FHIT: variants seen among roughly 807,000 people sequenced by gnomAD.
FHIT encodes the protein fragile histidine triad diadenosine triphosphatase.
In FHIT, 19 loss-of-function variants were observed where a neutral mutation model predicts 17.9. The observed-to-expected ratio is 1.06, with a 90% CI of 0.74 to 1.56. The LOEUF is 1.56. Among genes scored for constraint, FHIT ranks in the 40% most tolerant of loss-of-function variants. The pLI is 0.00. For missense variants in FHIT, 248 were observed against 189.2 expected (o/e 1.31, Z -1.82); for synonymous variants, 81 against 69.7 (o/e 1.16, Z -0.81).
At chr3:60,050,462 A>G (rs567377904) in intron 5 of FHIT, among the ~76,000 whole-genome samples, 3 of 152,284 alleles carry the variant, frequency 2.0e-5, no homozygotes, top group East Asian at 3.9e-4. Flanking sequence ...ATGGTTGCCA[A>G]CATCCTAGGC....
intron 4 of FHIT, among the ~76,000 whole-genome samples, chr3:60,731,501 C>G (rs915743923): frequency 6.6e-6 from 1 of 152,180 alleles, no homozygotes; most frequent in Non-Finnish European, 1.5e-5. Context: ...CCTCCCTTCT[C>G]CCCTGAGTCT....
At chr3:60,293,864 G>A (rs1201456710) in intron 5 of FHIT, among the ~76,000 whole-genome samples, 1 of 152,034 alleles carries the variant, frequency 6.6e-6, no homozygotes, top group East Asian at 1.9e-4. Context: ...TTTTGAGCTA[G>A]GATGCATCAT....
chr3:60,566,269 T>C (rs1309682968), intron 4 of FHIT, among the ~76,000 whole-genome samples: 1 of 152,062 alleles, frequency 6.6e-6, no homozygotes, highest in Non-Finnish European at 1.5e-5. Flanking sequence ...GATGATCAAG[T>C]GGGTTTCATC....
intron 7 of FHIT, among the ~76,000 whole-genome samples, chr3:59,966,316 A>G (rs1257065911): frequency 3.9e-5 from 6 of 152,184 alleles, no homozygotes; most frequent in African/African-American, 2.4e-5. Context: ...ACTTTCATGT[A>G]GGGCATAACC....
intron 8 of FHIT, among the ~76,000 whole-genome samples, chr3:59,769,291 T>C (rs754414405): frequency 1.2e-4 from 18 of 152,186 alleles, no homozygotes; most frequent in Non-Finnish European, 1.8e-4. Context: ...GAGTGTGTTT[T>C]GGGTGATCTG....
intron 2 of FHIT, among the ~76,000 whole-genome samples, chr3:61,101,961 C>G (rs978742697): frequency 6.6e-6 from 1 of 152,144 alleles, no homozygotes. Flanking sequence ...TGAGCTGAGA[C>G]AATGGGGTTT....
In FHIT at chr3:60,630,873, T is replaced by C. The variant is rs1189658058; in HGVS notation, c.-17-93894A>G. Reference sequence around the variant, plus strand: ...TGTCTTACCTGAGTCCCTGTTAGGATTCTTTAACCTTTTTTGGAAAATAGC... The same window carrying C: ...TGTCTTACCTGAGTCCCTGTTAGGACTCTTTAACCTTTTTTGGAAAATAGC... On this transcript the variant is annotated intron_variant, in intron 4 of 9. Coordinates refer to ENST00000492590, the MANE Select transcript of FHIT (RefSeq NM_002012.4). Among the ~76,000 whole-genome samples, 14 of 151,318 alleles carry C rather than the reference T, an allele frequency of 9.3e-5. No homozygotes were observed. The East Asian group carries it at 2.5e-3, about 27-fold the overall frequency.
intron 5 of FHIT, among the ~76,000 whole-genome samples, chr3:60,237,462 C>G (rs769462590): frequency 1.3e-5 from 2 of 152,092 alleles, no homozygotes; most frequent in Non-Finnish European, 2.9e-5. Flanking sequence ...AAACAGGGAT[C>G]CACACTGAAT....
intron 5 of FHIT, among the ~76,000 whole-genome samples, chr3:60,449,803 G>A (rs1221835471): frequency 6.6e-6 from 1 of 151,936 alleles, no homozygotes; most frequent in South Asian, 2.1e-4. Flanking sequence ...AAGAGATCAA[G>A]ACCATCCTGG....
intron 5 of FHIT, among the ~76,000 whole-genome samples, chr3:60,443,567 G>T (rs556078258): frequency 6.6e-6 from 1 of 152,114 alleles, no homozygotes; most frequent in African/African-American, 2.4e-5. Context: ...TCATATGATG[G>T]ATTACATTTA....
chr3:60,061,261 C>T (rs1231547195), intron 5 of FHIT, among the ~76,000 whole-genome samples: 1 of 152,236 alleles, frequency 6.6e-6, no homozygotes, highest in East Asian at 1.9e-4. Context: ...GTAAAAATCA[C>T]AGTGAGACTC....
intron 4 of FHIT, among the ~76,000 whole-genome samples, chr3:60,765,717 C>T (rs1439424420): frequency 6.6e-6 from 1 of 152,062 alleles, no homozygotes; most frequent in Non-Finnish European, 1.5e-5. Flanking sequence ...GAGGGTGTTG[C>T]CAGAAGAGAC....
rs531284829 is a variant in FHIT at position 60,532,351 on chromosome 3, T to G, written c.103+4509A>C. On this transcript the variant is annotated intron_variant, in intron 5 of 9. Transcript: ENST00000492590. ...GCCCCAGTCTTCAAATGGATACCAC[T>G]AATGTTTAAATTCATTTTCATGCTC... Among the ~76,000 whole-genome samples, 5 of 152,296 alleles carry G rather than the reference T, an allele frequency of 3.3e-5. No homozygotes were observed. In the East Asian group the frequency reaches 9.7e-4, roughly 29 times the overall value.
intron 4 of FHIT, among the ~76,000 whole-genome samples, chr3:60,788,603 G>C (rs1217603117): frequency 6.6e-6 from 1 of 152,108 alleles, no homozygotes; most frequent in Non-Finnish European, 1.5e-5. Context: ...TGCCACAAAG[G>C]GAGGTATGTA....
At chr3:60,651,320 T>C (rs1418846519) in intron 4 of FHIT, among the ~76,000 whole-genome samples, 1 of 152,154 alleles carries the variant, frequency 6.6e-6, no homozygotes, top group Admixed American at 6.5e-5. Flanking sequence ...TACATAGAAG[T>C]ACCCATTTTA....
intron 1 of FHIT, among the ~76,000 whole-genome samples, chr3:61,218,755 T>C (rs2106812707): frequency 6.6e-6 from 1 of 152,260 alleles, no homozygotes; most frequent in South Asian, 2.1e-4. Flanking sequence ...CATGCTATTG[T>C]CTTAATGCAC....
At chr3:59,994,530 G>A (rs1210871822) in intron 7 of FHIT, among the ~76,000 whole-genome samples, 1 of 152,088 alleles carries the variant, frequency 6.6e-6, no homozygotes, top group Non-Finnish European at 1.5e-5. Context: ...CTCTGGTAAT[G>A]CAACACTTCT....
At chr3:60,063,067 C>T (rs58995215) in intron 5 of FHIT, among the ~76,000 whole-genome samples, 1,828 of 152,236 alleles carry the variant, frequency 0.012, 40 homozygotes, top group African/African-American at 0.042. Flanking sequence ...GTTACAGATA[C>T]ATGCAAACAA....
chr3:61,241,989 A>G (rs1269903416), intron 1 of FHIT, among the ~76,000 whole-genome samples: 1 of 152,198 alleles, frequency 6.6e-6, no homozygotes, highest in Non-Finnish European at 1.5e-5. Flanking sequence ...TAAGGCCACT[A>G]CATTGTGAAA....
Sources: gnomAD v4.1 joint callset for allele counts (sites outside exome capture counted in the v4.1 genomes callset) on GRCh38, gnomAD v4.1.1 for gene constraint, MANE v1.5 for transcripts, NCBI Gene and HGNC (gene_info 2026-07-23, HGNC 2026-07-21) for gene names.